AP1S3: variants seen among roughly 807,000 people sequenced by gnomAD.
AP1S3 encodes adaptor related protein complex 1 subunit sigma 3.
A neutral mutation model predicts 20.9 loss-of-function variants in AP1S3; 10 were observed. The ratio of observed to expected loss-of-function variants is 0.48; its 90% confidence interval spans 0.29 to 0.81. The LOEUF is 0.81. AP1S3 is among the 30% of genes least tolerant of loss of function. The pLI, the probability that AP1S3 is intolerant of heterozygous loss-of-function variation, is 0.08. For missense variants in AP1S3, 154 were observed against 183.8 expected, an observed-to-expected ratio of 0.84 and a Z score of 0.94; for synonymous variants, 41 against 61.5, an observed-to-expected ratio of 0.67 and a Z score of 1.56.
intron 4 of AP1S3, among the ~76,000 whole-genome samples, chr2:223,759,709 A>G (rs1202301366): frequency 6.6e-6 from 1 of 152,166 alleles, no homozygotes; most frequent in Non-Finnish European, 1.5e-5. Flanking sequence ...AGATGATTTC[A>G]TCATCCAGGT....
intron 1 of AP1S3, among the ~76,000 whole-genome samples, chr2:223,800,490 A>T (rs994154836): frequency 6.6e-6 from 1 of 152,102 alleles, no homozygotes; most frequent in African/African-American, 2.4e-5. Context: ...TGATCAGGCC[A>T]CTGCACTTCA....
intron 1 of AP1S3, 90 bp downstream of exon 1, chr2:223,837,358 G>C (rs1692428662): frequency 1.4e-6 from 1 of 708,514 alleles, no homozygotes; most frequent in African/African-American, 1.9e-5. Context: ...CCCCCACCCG[G>C]CCGCGCGCCC....
chr2:223,837,482 G>A lies in AP1S3; in HGVS notation c.-32C>T. The A allele has an allele frequency of 1.6e-6, 2 of 1,279,306 alleles. No homozygotes were observed. The highest frequency in any genetic ancestry group is 2.0e-6 in the Non-Finnish European group (2 of 1,010,122). 79.2% of individuals were successfully genotyped at this position (1,279,306 alleles called of 1,614,324 possible). On this transcript the variant is annotated 5_prime_UTR_variant, in exon 1 of 5. Coordinates refer to ENST00000396654, the MANE Select transcript of AP1S3 (RefSeq NM_001039569.2). Reference sequence around the variant, plus strand: ...TGGGCCGCCGCCTCCCCCGCCTTGCGAGCAAGGAGCGCTGGAGAAGCGAGG... The same window carrying A: ...TGGGCCGCCGCCTCCCCCGCCTTGCAAGCAAGGAGCGCTGGAGAAGCGAGG...
At chr2:223,823,257 T>C (rs146617164) in intron 1 of AP1S3, among the ~76,000 whole-genome samples, 20 of 152,322 alleles carry the variant, frequency 1.3e-4, no homozygotes, top group African/African-American at 4.3e-4. Context: ...CCAAGGGATA[T>C]GAAATCAGCA....
chr2:223,760,912 G>A (rs557203991), intron 4 of AP1S3, among the ~76,000 whole-genome samples: 2 of 152,274 alleles, frequency 1.3e-5, no homozygotes, highest in African/African-American at 2.4e-5. Context: ...CCAGATGAGA[G>A]CATTGCTAGG....
intron 1 of AP1S3, among the ~76,000 whole-genome samples, chr2:223,799,060 A>G (rs1691410643): frequency 6.6e-6 from 1 of 152,210 alleles, no homozygotes; most frequent in Non-Finnish European, 1.5e-5. Flanking sequence ...AACAAGAGTG[A>G]AACTCCATTT....
intron 1 of AP1S3, among the ~76,000 whole-genome samples, chr2:223,835,428 A>C (rs1692373204): frequency 1.3e-5 from 2 of 152,184 alleles, no homozygotes; most frequent in South Asian, 2.1e-4. Context: ...AGGCCGATGC[A>C]GGTGGATCAC....
At chr2:223,810,316 T>C (rs1691691739) in intron 1 of AP1S3, among the ~76,000 whole-genome samples, 1 of 152,132 alleles carries the variant, frequency 6.6e-6, no homozygotes, top group Non-Finnish European at 1.5e-5. Context: ...TTTGTAATTT[T>C]CTTTTTCTTT....
rs1357896292 is a variant in AP1S3 at position 223,770,251 on chromosome 2, G to A, written c.292-4901C>T. The A allele has an allele frequency of 1.5e-5, 24 of 1,550,578 alleles. No homozygotes were observed. In the Admixed American group the frequency reaches 2.0e-4, roughly 13 times the overall value. ...TTATAGTAGCAAGCTGAGGAACCTC[G>A]GAGTTCAAGGCAGGCGTAGACCAGG... On this transcript the variant is annotated intron_variant, in intron 3 of 4. Coordinates refer to ENST00000396654, the MANE Select transcript of AP1S3 (RefSeq NM_001039569.2).
Position 223,755,464 on chromosome 2 carries a change from G to T in AP1S3, c.*3251C>A, listed in dbSNP as rs3099467. Among the ~76,000 whole-genome samples the T allele has an allele frequency of 0.63, 95,315 of 150,956 alleles. 30,518 individuals are homozygous for T. Among genetic ancestry groups the T allele is most frequent in the East Asian group, 0.81 (4,182 of 5,154 alleles). ...ATGACTATTTTAGCCTAGGCCCATG[G>T]AAGATGTCCCTAAAATCCCTCAAAT... On this transcript the variant is annotated 3_prime_UTR_variant, in exon 5 of 5. Transcript: ENST00000396654.
At chr2:223,817,341 G>C (rs1334095988) in intron 1 of AP1S3, among the ~76,000 whole-genome samples, 2 of 152,098 alleles carry the variant, frequency 1.3e-5, no homozygotes, top group African/African-American at 4.8e-5. Flanking sequence ...GGGTGTGGTA[G>C]CTCATGCCTA....
chr2:223,791,136 C>T (rs775685455), intron 1 of AP1S3, among the ~76,000 whole-genome samples: 1 of 152,124 alleles, frequency 6.6e-6, no homozygotes, highest in Admixed American at 6.6e-5. Context: ...GAAAATATTC[C>T]AAAACATTGA....
rs888485242 is a variant in AP1S3, at chr2:223,757,586, C to G, written c.*1129G>C. On this transcript the variant is annotated 3_prime_UTR_variant, in exon 5 of 5. Coordinates refer to ENST00000396654, the MANE Select transcript of AP1S3 (RefSeq NM_001039569.2). ...TACAGGTGTAAGCCACCACTCCCGG[C>G]CTACAAGCTATTTCCCTGTAATATG... 1 of 984,996 alleles carries G rather than the reference C, an allele frequency of 1.0e-6. No homozygotes were observed. The highest frequency in any genetic ancestry group is 1.2e-6 in the Non-Finnish European group (1 of 829,892). 61.0% of individuals were successfully genotyped at this position (984,996 alleles called of 1,614,324 possible). A position where few individuals can be genotyped will look rare whatever the true frequency, so the allele number is the denominator to read the frequency against.
At chr2:223,763,258 T>C (rs963977725) in intron 4 of AP1S3, among the ~76,000 whole-genome samples, 4 of 152,218 alleles carry the variant, frequency 2.6e-5, no homozygotes, top group African/African-American at 4.8e-5. Context: ...TAGCATTTAA[T>C]TGTGAAAGAG....
chr2:223,820,228 T>TC (rs1240087009), intron 1 of AP1S3, among the ~76,000 whole-genome samples: 1 of 152,170 alleles, frequency 6.6e-6, no homozygotes, highest in Non-Finnish European at 1.5e-5. Context: ...AAGGTCTTTT[T>TC]CCCAGTGATT....
chr2:223,808,626 T>C (rs990340963), intron 1 of AP1S3, among the ~76,000 whole-genome samples: 5 of 152,252 alleles, frequency 3.3e-5, no homozygotes, highest in African/African-American at 1.2e-4. Flanking sequence ...ACTAGACTAA[T>C]GCACTAGAAA....
chr2:223,803,440 T>C (rs1691511954), intron 1 of AP1S3, among the ~76,000 whole-genome samples: 1 of 152,210 alleles, frequency 6.6e-6, no homozygotes, highest in Non-Finnish European at 1.5e-5. Context: ...AACAACTCAT[T>C]GGTTTTTTCC....
Position 223,774,319 on chromosome 2 carries a change from C to T in AP1S3, c.291+1582G>A, listed in dbSNP as rs576296244. Among the ~76,000 whole-genome samples the T allele has an allele frequency of 4.3e-4, 65 of 151,948 alleles. 1 individual carries two copies. Among genetic ancestry groups the T allele is most frequent in the Non-Finnish European group, 5.7e-4 (39 of 67,986 alleles). On this transcript the variant is annotated intron_variant, in intron 3 of 4. Coordinates refer to ENST00000396654, the MANE Select transcript of AP1S3 (RefSeq NM_001039569.2). ...GGCAGAGGTTGCAGTGAGCAGAGAT[C>T]GTGCCATTGCACTCCAGCCTGGGCA...
intron 1 of AP1S3, among the ~76,000 whole-genome samples, chr2:223,805,376 G>C (rs1691556270): frequency 6.6e-6 from 1 of 152,160 alleles, no homozygotes; most frequent in Admixed American, 6.6e-5. Context: ...CAGGGAGGCA[G>C]GGGTTGCAGT....
Sources: allele counts gnomAD v4.1 joint callset (sites outside exome capture counted in the v4.1 genomes callset), GRCh38; gene constraint gnomAD v4.1.1; transcripts MANE v1.5; gene names NCBI Gene and HGNC (gene_info 2026-07-23, HGNC 2026-07-21).